ACSM3: variants seen among roughly 807,000 people sequenced by gnomAD.
ACSM3 encodes the protein acyl-CoA synthetase medium chain family member 3.
In ACSM3, 61 loss-of-function variants were observed where a neutral mutation model predicts 74.1. The ratio of observed to expected loss-of-function variants is 0.82; its 90% CI spans 0.67 to 1.02. ACSM3 has a LOEUF of 1.02. Ranked by LOEUF, ACSM3 falls within the 50% of genes least tolerant of loss-of-function variation. The pLI, the probability that ACSM3 is intolerant of heterozygous loss-of-function variation, is 0.00. For synonymous variants in ACSM3, 213 were observed against 241.5 expected, an observed-to-expected ratio of 0.88 and a Z score of 1.09; for missense variants, 660 against 697.0, an observed-to-expected ratio of 0.95 and a Z score of 0.60.
chr16:20,714,150 T>C (rs1256416540), intron 1 of ACSM3, among the ~76,000 whole-genome samples: 1 of 151,984 alleles, frequency 6.6e-6, no homozygotes, highest in Non-Finnish European at 1.5e-5. Flanking sequence ...GATTCTGATC[T>C]TGAGGGGGTC....
chr16:20,734,577 AG>A (rs2079853370), intron 1 of ACSM3: 1 of 152,202 alleles, frequency 6.6e-6, no homozygotes, highest in African/African-American at 2.4e-5. Context: ...TAACATTTTT[AG>A]GATTTCCTAA....
At chr16:20,704,228 G>A (rs947346566) in intron 1 of ACSM3, among the ~76,000 whole-genome samples, 4 of 152,110 alleles carry the variant, frequency 2.6e-5, no homozygotes, top group Non-Finnish European at 5.9e-5. Context: ...TTCAGGCACT[G>A]TTTCCAGGCT....
chr16:20,741,483 C>A (rs754770900), intron 1 of ACSM3: 3 of 200,032 alleles, frequency 1.5e-5, no homozygotes, highest in East Asian at 2.0e-4. Flanking sequence ...GGCAGCCGGC[C>A]CGCCCGCCCA....
chr16:20,737,611 C>A, intron 1 of ACSM3: 3 of 1,272,540 alleles, frequency 2.4e-6, no homozygotes, highest in East Asian at 2.5e-5. Flanking sequence ...GTTCTACACT[C>A]AAAAATGTAA....
At chr16:20,727,000 A>G (rs1052131075) in intron 1 of ACSM3, among the ~76,000 whole-genome samples, 3 of 152,200 alleles carry the variant, frequency 2.0e-5, no homozygotes, top group East Asian at 1.9e-4. Context: ...TAACCTAGCA[A>G]CTGCTCAATC....
At chr16:20,734,012 T>C (rs2079847812) in intron 1 of ACSM3, 2 of 152,170 alleles carry the variant, frequency 1.3e-5, no homozygotes, top group Admixed American at 6.6e-5. Flanking sequence ...TTGATAAACC[T>C]GAAAACAAGT....
At chr16:20,777,348 C>A in intron 3 of ACSM3, 25 bp from the exon 4 acceptor site, 1 of 1,588,154 alleles carries the variant, frequency 6.3e-7, no homozygotes, top group Non-Finnish European at 8.6e-7. Context: ...TTCTTCTAAA[C>A]ACTGTTTCTT....
rs201453644 is a variant in ACSM3 at position 20,790,632 on chromosome 16, G to A, written c.1270G>A (p.Asp424Asn). 80 of 1,614,142 alleles carry A rather than the reference G, an allele frequency of 5.0e-5. No homozygotes were observed. The Admixed American group carries it at 1.1e-3, about 22-fold the overall frequency. Residue 424 changes from aspartate to asparagine, a missense_variant, in exon 10 of 14, where the codon GAT becomes AAT. Transcript: ENST00000289416. This position sits in a 1 kb window ranked among gnomAD's most constrained non-coding sequence, Gnocchi z 4.0. ...GNVLPPGQEG[D>N]IGIQVLPNRP... ...TGTTCTACCTCCTGGACAAGAAGGA[G>A]ATATTGGCATTCAAGTTCTACCCAA...
At chr16:20,772,081 ATTTGT>A (rs903581603) in intron 2 of ACSM3, among the ~76,000 whole-genome samples, 8 of 151,924 alleles carry the variant, frequency 5.3e-5, no homozygotes, top group South Asian at 2.1e-4. Flanking sequence ...TAATTGAATT[ATTTGT>A]TTTGTTTTGT....
chr16:20,717,950 GGAAGAGGAAGAAGAAGAAGAAGAA>G (rs1405221915), intron 1 of ACSM3, among the ~76,000 whole-genome samples: 30 of 59,042 alleles, frequency 5.1e-4, no homozygotes, highest in Middle Eastern at 0.012. Flanking sequence ...AAGAGGAAGA[GGAAGAGGAAGAAGAAGAAGAAGAA>G]GAAGAAGAAG....
At chr16:20,691,343 T>C in intron 1 of ACSM3, 1 of 591,718 alleles carries the variant, frequency 1.7e-6, no homozygotes, top group Non-Finnish European at 2.8e-6. Flanking sequence ...TTGTTTCAGG[T>C]CACCAGAATT....
chr16:20,755,784 C>CA (rs148319839), intron 3 of ACSM3, among the ~76,000 whole-genome samples: 8 of 80,798 alleles, frequency 9.9e-5, no homozygotes, highest in African/African-American at 2.5e-4. Flanking sequence ...ATCCCTCCCC[C>CA]CCCCCCACCC....
intron 1 of ACSM3, chr16:20,734,606 A>T (rs2152413259): frequency 6.6e-6 from 1 of 152,294 alleles, no homozygotes; most frequent in Middle Eastern, 3.4e-3. Flanking sequence ...AAACTTAAGG[A>T]TAAGTCCATT....
intron 2 of ACSM3, among the ~76,000 whole-genome samples, chr16:20,773,437 G>A (rs1009853963): frequency 6.6e-6 from 1 of 152,010 alleles, no homozygotes; most frequent in African/African-American, 2.4e-5. Flanking sequence ...TCCTTGAGGT[G>A]CATTCTTAGA....
At chr16:20,726,781 AGGC>A (rs2079807956) in intron 1 of ACSM3, among the ~76,000 whole-genome samples, 1 of 152,204 alleles carries the variant, frequency 6.6e-6, no homozygotes, top group Non-Finnish European at 1.5e-5. Context: ...CCACCTCACA[AGGC>A]TGTGGTGAGA....
chr16:20,740,386 G>A (rs941212248), intron 1 of ACSM3, among the ~76,000 whole-genome samples: 11 of 152,232 alleles, frequency 7.2e-5, no homozygotes, highest in Non-Finnish European at 1.5e-4. Context: ...GGGTGACAGA[G>A]CAAGACCGCT....
At chr16:20,687,518 G>A (rs1045353679) in intron 1 of ACSM3, among the ~76,000 whole-genome samples, 3 of 152,030 alleles carry the variant, frequency 2.0e-5, no homozygotes, top group Non-Finnish European at 4.4e-5. Flanking sequence ...GAGAGAGGGG[G>A]GCTGCTTTTT....
At chr16:20,761,033 C>T (rs773579583), upstream of ACSM3, among the ~76,000 whole-genome samples, 1 of 152,198 alleles carries the variant, frequency 6.6e-6, no homozygotes, top group African/African-American at 2.4e-5. Flanking sequence ...CCACCTATTA[C>T]CTGAAAGCCC....
chr16:20,736,091 T>C (rs958401839), intron 1 of ACSM3: 3 of 152,214 alleles, frequency 2.0e-5, no homozygotes, highest in Non-Finnish European at 4.4e-5. Context: ...ATTGTTACAA[T>C]TGCTAGTTTT....
Sources: allele counts gnomAD v4.1 joint callset (sites outside exome capture counted in the v4.1 genomes callset), GRCh38; gene constraint gnomAD v4.1.1; non-coding constraint Gnocchi (gnomAD v3.1); transcripts MANE v1.5; gene names NCBI Gene and HGNC (gene_info 2026-07-23, HGNC 2026-07-21).